SHTN1: variants seen among roughly 807,000 people sequenced by gnomAD.
The protein encoded by SHTN1 is shootin 1.
SHTN1 carries 42 observed loss-of-function variants against 83.1 expected under a neutral mutation model. The observed-to-expected ratio is 0.51, with a 90% confidence interval of 0.39 to 0.65. The LOEUF is 0.65. SHTN1 is among the 30% of genes least tolerant of loss of function. The pLI, the probability that SHTN1 is intolerant of heterozygous loss-of-function variation, is 0.00. For missense variants in SHTN1, 622 were observed against 737.8 expected (o/e 0.84, Z 1.82); for synonymous variants, 224 against 247.7 (o/e 0.90, Z 0.90).
At position 116,881,867 on chromosome 10, in the gene SHTN1, C is replaced by A. The variant is rs905866111; in HGVS notation, c.*4477G>T. On this transcript the variant is annotated 3_prime_UTR_variant, in exon 17 of 17. Coordinates refer to ENST00000355371, the MANE Select transcript of SHTN1 (RefSeq NM_001127211.3). ...AAATTCTGTGAACTTCGTTTTGCAG[C>A]CACCACACTTCCATGTGGATTTTGT... 11 of 424,966 alleles carry A rather than the reference C, an allele frequency of 2.6e-5. No individual in the cohort carries two copies. The highest frequency in any genetic ancestry group is 1.2e-5 in the Non-Finnish European group (3 of 245,610). The allele number at this position is 424,966 out of a possible 1,614,324, so 26.3% of individuals were successfully genotyped here. A position where few individuals can be genotyped will look rare whatever the true frequency, so the allele number is the denominator to read the frequency against.
At chr10:116,898,264 G>A (rs1370744456) in intron 16 of SHTN1, among the ~76,000 whole-genome samples, 1 of 151,766 alleles carries the variant, frequency 6.6e-6, no homozygotes. Flanking sequence ...GGTGGCGGAG[G>A]TTGCAGTGAG....
chr10:117,099,349 C>A (rs76120051), intron 1 of SHTN1, among the ~76,000 whole-genome samples: 3,489 of 148,726 alleles, frequency 0.023, 119 homozygotes, highest in East Asian at 0.12. Context: ...TCTATATAAC[C>A]AAAAAAAAAC....
chr10:116,944,722 C>A (rs962625637), intron 8 of SHTN1, among the ~76,000 whole-genome samples: 2 of 152,102 alleles, frequency 1.3e-5, no homozygotes, highest in African/African-American at 2.4e-5. Flanking sequence ...GAAACCCCAT[C>A]TCTAATAAAA....
At chr10:116,904,712 A>C (rs976954867) in intron 15 of SHTN1, among the ~76,000 whole-genome samples, 1 of 152,214 alleles carries the variant, frequency 6.6e-6, no homozygotes, top group African/African-American at 2.4e-5. Context: ...GAATTATTCA[A>C]ATTTCTATAT....
intron 1 of SHTN1, among the ~76,000 whole-genome samples, chr10:116,991,590 A>C (rs1254490125): frequency 6.6e-6 from 1 of 152,188 alleles, no homozygotes; most frequent in Non-Finnish European, 1.5e-5. Flanking sequence ...CAACTCTTCT[A>C]GCTTCATTAC....
At chr10:116,976,160 G>A (rs1415267805) in intron 2 of SHTN1, among the ~76,000 whole-genome samples, 1 of 152,130 alleles carries the variant, frequency 6.6e-6, no homozygotes, top group Non-Finnish European at 1.5e-5. Flanking sequence ...CTGTGAAATG[G>A]AGCAGACACA....
intron 1 of SHTN1, among the ~76,000 whole-genome samples, chr10:117,091,381 T>C (rs951355837): frequency 1.3e-5 from 2 of 152,110 alleles, no homozygotes; most frequent in Non-Finnish European, 1.5e-5. Context: ...GGTCACACAG[T>C]CAAAAAGGAA....
At chr10:117,077,402 C>T (rs1257215101) in intron 1 of SHTN1, among the ~76,000 whole-genome samples, 1 of 152,092 alleles carries the variant, frequency 6.6e-6, no homozygotes, top group African/African-American at 2.4e-5. Context: ...GGAAGTTTGC[C>T]CACAGAAGAA....
In SHTN1 at chr10:117,015,575, C is replaced by A. The variant is rs566350732; in HGVS notation, c.-123+32870G>T. Among the ~76,000 whole-genome samples the A allele has an allele frequency of 2.0e-5, 3 of 152,302 alleles. No homozygotes were observed. The East Asian group carries it at 5.8e-4, about 29-fold the overall frequency. On this transcript the variant is annotated intron_variant, in intron 2 of 17. Transcript: ENST00000392901. ...CGAACTTCCAACCTCAGGTAATTCGCCTGCCTCAGCCTCCCAAAGTGCTGG... is the reference window on the plus strand; with the variant it reads ...CGAACTTCCAACCTCAGGTAATTCGACTGCCTCAGCCTCCCAAAGTGCTGG...
intron 2 of SHTN1, among the ~76,000 whole-genome samples, chr10:116,969,153 G>A (rs754960936): frequency 1.3e-5 from 2 of 152,174 alleles, no homozygotes; most frequent in Non-Finnish European, 1.5e-5. Flanking sequence ...CAGGCCAGGC[G>A]TGGTGGCTCA....
At chr10:117,060,736 C>A (rs920017661) in intron 1 of SHTN1, among the ~76,000 whole-genome samples, 1 of 152,206 alleles carries the variant, frequency 6.6e-6, no homozygotes, top group African/African-American at 2.4e-5. Context: ...ATACTATCTT[C>A]ATGATGACTG....
chr10:116,994,918 G>A (rs1217332598), intron 1 of SHTN1, among the ~76,000 whole-genome samples: 2 of 151,978 alleles, frequency 1.3e-5, no homozygotes, highest in Admixed American at 1.3e-4. Context: ...AAGAAACATT[G>A]TCAAATAACA....
intron 1 of SHTN1, among the ~76,000 whole-genome samples, chr10:117,053,572 A>G (rs967960910): frequency 1.3e-5 from 2 of 152,232 alleles, no homozygotes; most frequent in Admixed American, 6.5e-5. Context: ...ATACTATTTC[A>G]TACCCACTAG....
intron 2 of SHTN1, among the ~76,000 whole-genome samples, chr10:117,011,861 C>T (rs1342305798): frequency 6.6e-6 from 1 of 152,010 alleles, no homozygotes; most frequent in African/African-American, 2.4e-5. Flanking sequence ...AAAACTCAGG[C>T]GGGGCGCGGT....
intron 1 of SHTN1, among the ~76,000 whole-genome samples, chr10:116,991,260 T>C (rs778394857): frequency 1.3e-5 from 2 of 152,244 alleles, no homozygotes; most frequent in Non-Finnish European, 2.9e-5. Context: ...GAGTCACTCG[T>C]AATATATAAC....
intron 1 of SHTN1, among the ~76,000 whole-genome samples, chr10:117,069,848 T>A (rs1056452837): frequency 2.6e-5 from 4 of 152,134 alleles, no homozygotes; most frequent in African/African-American, 9.7e-5. Context: ...AGCAACCAAT[T>A]TTTATTAATG....
At chr10:116,972,831 C>T (rs962108941) in intron 2 of SHTN1, among the ~76,000 whole-genome samples, 3 of 152,288 alleles carry the variant, frequency 2.0e-5, no homozygotes, top group South Asian at 2.1e-4. Flanking sequence ...AACATTACAT[C>T]GACTCTAGAG....
intron 1 of SHTN1, among the ~76,000 whole-genome samples, chr10:116,980,370 G>A (rs1193152330): frequency 6.6e-6 from 1 of 152,004 alleles, no homozygotes; most frequent in East Asian, 1.9e-4. Flanking sequence ...ATAGCTCACT[G>A]CAGTTTTGAA....
chr10:116,983,579 C>T (rs769669170), intron 1 of SHTN1, among the ~76,000 whole-genome samples: 1 of 151,890 alleles, frequency 6.6e-6, no homozygotes, highest in Non-Finnish European at 1.5e-5. Context: ...AGATGCCTCG[C>T]CCCTCCTGCT....
Sources: allele counts gnomAD v4.1 joint callset (sites outside exome capture counted in the v4.1 genomes callset), GRCh38; gene constraint gnomAD v4.1.1; transcripts MANE v1.5; gene names NCBI Gene and HGNC (gene_info 2026-07-23, HGNC 2026-07-21).